The following SEMA5A variants were observed in gnomAD, a reference collection of about 807,000 sequenced individuals.
SEMA5A encodes semaphorin-5A.
Under a neutral mutation model 135.5 loss-of-function variants are expected in SEMA5A, and 55 were observed. That is an observed-to-expected ratio of 0.41 (90% confidence interval 0.33 to 0.51). The LOEUF (loss-of-function observed/expected upper bound fraction) is 0.51, where lower values mean the gene tolerates loss of function less well. Ranked by LOEUF, SEMA5A falls within the 20% of genes least tolerant of loss-of-function variation. The pLI is 0.37. For synonymous variants in SEMA5A, 580 were observed against 546.5 expected, an observed-to-expected ratio of 1.06 and a Z score of -0.85; for missense variants, 1,290 against 1,419.9, an observed-to-expected ratio of 0.91 and a Z score of 1.47.
intron 2 of SEMA5A, among the ~76,000 whole-genome samples, chr5:9,404,693 G>T (rs1756807097): frequency 6.6e-6 from 1 of 152,148 alleles, no homozygotes; most frequent in Admixed American, 6.5e-5. Context: ...TAATTTGAAG[G>T]CAATTTCCCC....
chr5:9,183,645 TTC>T, intron 11 of SEMA5A, among the ~76,000 whole-genome samples: 1 of 152,210 alleles, frequency 6.6e-6, no homozygotes, highest in East Asian at 1.9e-4. Context: ...TGAGCGGTCC[TTC>T]TCTGTTGTCT....
chr5:9,071,947 GC>G (rs1426014429), intron 16 of SEMA5A, among the ~76,000 whole-genome samples: 1 of 152,190 alleles, frequency 6.6e-6, no homozygotes, highest in Non-Finnish European at 1.5e-5. Context: ...GTAGAACCAT[GC>G]TCCCAGGAGC....
chr5:9,365,581 T>C (rs1157855560), intron 3 of SEMA5A, among the ~76,000 whole-genome samples: 1 of 152,144 alleles, frequency 6.6e-6, no homozygotes, highest in African/African-American at 2.4e-5. Context: ...CCAAGATGAG[T>C]TCCTCACTCA....
At chr5:9,102,581 A>G (rs1162867213) in intron 16 of SEMA5A, among the ~76,000 whole-genome samples, 1 of 152,208 alleles carries the variant, frequency 6.6e-6, no homozygotes, top group East Asian at 1.9e-4. Context: ...AAAATATAGT[A>G]TTTATATCAT....
At chr5:9,164,404 T>G (rs905923051) in intron 11 of SEMA5A, among the ~76,000 whole-genome samples, 2 of 150,298 alleles carry the variant, frequency 1.3e-5, no homozygotes, top group Non-Finnish European at 3.0e-5. Flanking sequence ...ATAAATATTT[T>G]TTTGCTTTCC....
At chr5:9,522,779 A>C (rs1352428600) in intron 1 of SEMA5A, 4 of 152,206 alleles carry the variant, frequency 2.6e-5, no homozygotes, top group Admixed American at 6.5e-5. Flanking sequence ...GACAAGTATG[A>C]TTCTGCATCT....
At chr5:9,473,396 A>AAAAAAAAAAAAAAG in intron 1 of SEMA5A, among the ~76,000 whole-genome samples, 1 of 147,838 alleles carries the variant, frequency 6.8e-6, no homozygotes, top group Admixed American at 6.7e-5. Context: ...AAAAAAAAAA[A>AAAAAAAAAAAAAAG]AAAAAAAAGA....
intron 1 of SEMA5A, among the ~76,000 whole-genome samples, chr5:9,452,033 T>G (rs999955417): frequency 6.6e-6 from 1 of 152,212 alleles, no homozygotes; most frequent in African/African-American, 2.4e-5. Flanking sequence ...ATAAACTCTG[T>G]CAGTAGAAAC....
chr5:9,107,611 T>C lies in SEMA5A; in HGVS notation c.2073+529A>G, dbSNP rs1434035379. 2.0e-5 allele frequency among the ~76,000 whole-genome samples: 3 copies of C among 152,202 alleles called. No individual in the cohort carries two copies. In the East Asian group the frequency reaches 5.8e-4, roughly 29 times the overall value. ...GAACAGAAAAACTCCTGGGACAGTTTATCCCATATGTGAATACTTAATTCA... is the reference window on the plus strand; with the variant it reads ...GAACAGAAAAACTCCTGGGACAGTTCATCCCATATGTGAATACTTAATTCA... On this transcript the variant is annotated intron_variant, in intron 16 of 22. Transcript: ENST00000382496.
intron 1 of SEMA5A, among the ~76,000 whole-genome samples, chr5:9,467,736 G>A (rs1254708652): frequency 6.6e-6 from 1 of 152,166 alleles, no homozygotes; most frequent in African/African-American, 2.4e-5. Context: ...GTGGGAGCCG[G>A]GGTGGGTGGA....
chr5:9,176,990 T>A (rs1034301308), intron 11 of SEMA5A, among the ~76,000 whole-genome samples: 4 of 152,178 alleles, frequency 2.6e-5, no homozygotes, highest in African/African-American at 7.2e-5. Context: ...ATAATCTAAT[T>A]GAAATTAGGT....
intron 5 of SEMA5A, among the ~76,000 whole-genome samples, chr5:9,262,744 G>T (rs1458631877): frequency 1.0e-5 from 1 of 98,324 alleles, no homozygotes; most frequent in African/African-American, 4.0e-5. Flanking sequence ...TGGGGACTGT[G>T]GTGGGGTCGG....
At chr5:9,493,751 T>C (rs1735156749) in intron 1 of SEMA5A, among the ~76,000 whole-genome samples, 1 of 152,210 alleles carries the variant, frequency 6.6e-6, no homozygotes, top group Non-Finnish European at 1.5e-5. Context: ...AAAATAAATA[T>C]GATTTCTTTG....
intron 3 of SEMA5A, among the ~76,000 whole-genome samples, chr5:9,339,897 C>A (rs1472737161): frequency 6.6e-6 from 1 of 152,056 alleles, no homozygotes; most frequent in African/African-American, 2.4e-5. Flanking sequence ...ACCTAAAAAC[C>A]TACAATTTAG....
At chr5:9,417,648 G>A (rs961221805) in intron 2 of SEMA5A, among the ~76,000 whole-genome samples, 5 of 152,260 alleles carry the variant, frequency 3.3e-5, no homozygotes, top group South Asian at 4.1e-4. Context: ...CATTCGCCCC[G>A]TTACTTCTGT....
At chr5:9,085,538 G>T (rs1402321665) in intron 16 of SEMA5A, among the ~76,000 whole-genome samples, 2 of 152,236 alleles carry the variant, frequency 1.3e-5, no homozygotes, top group Non-Finnish European at 2.9e-5. Context: ...TCCACAGGGT[G>T]TTGAGACTGT....
At chr5:9,509,198 A>C (rs1736071367) in intron 1 of SEMA5A, among the ~76,000 whole-genome samples, 1 of 152,086 alleles carries the variant, frequency 6.6e-6, no homozygotes, top group Admixed American at 6.5e-5. Flanking sequence ...GTTCACTTTT[A>C]CATTTCTTCT....
At chr5:9,370,523 T>C (rs1178534431) in intron 3 of SEMA5A, among the ~76,000 whole-genome samples, 1 of 152,226 alleles carries the variant, frequency 6.6e-6, no homozygotes, top group Non-Finnish European at 1.5e-5. Flanking sequence ...CTGAGTCATA[T>C]GAAGGAATTG....
chr5:9,111,855 A>G (rs1399900712), intron 15 of SEMA5A, among the ~76,000 whole-genome samples: 1 of 152,186 alleles, frequency 6.6e-6, no homozygotes, highest in African/African-American at 2.4e-5. Context: ...CCCCAGCCCA[A>G]CTAACTCATG....
Sources: allele counts gnomAD v4.1 joint callset (sites outside exome capture counted in the v4.1 genomes callset), GRCh38; gene constraint gnomAD v4.1.1; transcripts MANE v1.5; gene names NCBI Gene and HGNC (gene_info 2026-07-23, HGNC 2026-07-21).